The following CDKAL1 variants were observed in gnomAD, a reference collection of about 807,000 sequenced individuals.
CDKAL1 encodes threonylcarbamoyladenosine tRNA methylthiotransferase.
CDKAL1 carries 32 observed loss-of-function variants against 68.2 expected under a neutral mutation model. The observed-to-expected ratio is 0.47, with a 90% CI of 0.35 to 0.63. The LOEUF is 0.63. Ranked by LOEUF, CDKAL1 falls within the 30% of genes least tolerant of loss-of-function variation. The probability of loss-of-function intolerance (pLI) is 0.00; values close to 1 mark genes in which losing one functional copy is unlikely to be tolerated. For synonymous variants in CDKAL1, 234 were observed against 244.3 expected (o/e 0.96, Z 0.39); for missense variants, 606 against 696.7 (o/e 0.87, Z 1.47).
At chr6:21,100,265 G>A (rs1773518842) in intron 12 of CDKAL1, among the ~76,000 whole-genome samples, 2 of 152,004 alleles carry the variant, frequency 1.3e-5, no homozygotes, top group African/African-American at 4.8e-5. Context: ...CATTTGCTTG[G>A]TTATTTTATT....
At chr6:20,642,608 A>C (rs1382788972) in intron 4 of CDKAL1, among the ~76,000 whole-genome samples, 1 of 152,120 alleles carries the variant, frequency 6.6e-6, no homozygotes, top group Non-Finnish European at 1.5e-5. Context: ...CAAAGTTTTC[A>C]TAGCAGACTC....
chr6:21,140,787 G>A (rs1426602064), intron 13 of CDKAL1, among the ~76,000 whole-genome samples: 1 of 152,190 alleles, frequency 6.6e-6, no homozygotes, highest in Non-Finnish European at 1.5e-5. Context: ...GTATTAGTCC[G>A]TTTTCAGGCT....
chr6:21,023,378 A>T (rs1445336079), intron 11 of CDKAL1, among the ~76,000 whole-genome samples: 1 of 152,074 alleles, frequency 6.6e-6, no homozygotes, highest in Admixed American at 6.6e-5. Flanking sequence ...GGTGACTATA[A>T]CCTTACACTT....
intron 10 of CDKAL1, chr6:20,993,539 T>A (rs1766950129): frequency 6.6e-6 from 1 of 152,210 alleles, no homozygotes; most frequent in Non-Finnish European, 1.5e-5. Flanking sequence ...GTCATTCCAA[T>A]TTTAGTATAT....
At chr6:20,795,324 C>T (rs774844567) in intron 8 of CDKAL1, among the ~76,000 whole-genome samples, 2 of 152,082 alleles carry the variant, frequency 1.3e-5, no homozygotes, top group Non-Finnish European at 2.9e-5. Flanking sequence ...TCTATTCCAG[C>T]CTTTCTCAGT....
At chr6:21,227,261 A>G (rs1190929638) in intron 15 of CDKAL1, among the ~76,000 whole-genome samples, 3 of 152,130 alleles carry the variant, frequency 2.0e-5, no homozygotes, top group African/African-American at 7.2e-5. Context: ...CCCTGCTTTC[A>G]ACTGGTATGG....
At chr6:20,943,519 G>A (rs1018388707) in intron 9 of CDKAL1, among the ~76,000 whole-genome samples, 3 of 151,944 alleles carry the variant, frequency 2.0e-5, no homozygotes, top group Non-Finnish European at 4.4e-5. Flanking sequence ...AGTGTGCTTG[G>A]TGTGGTTCTG....
chr6:20,551,493 G>C (rs375457513), intron 4 of CDKAL1, among the ~76,000 whole-genome samples: 50 of 150,890 alleles, frequency 3.3e-4, no homozygotes, highest in African/African-American at 1.0e-3. Context: ...TCAGCCTCTC[G>C]AGTAGCTGGG....
At chr6:20,591,127 A>T (rs139835049) in intron 4 of CDKAL1, among the ~76,000 whole-genome samples, 3 of 152,122 alleles carry the variant, frequency 2.0e-5, no homozygotes, top group African/African-American at 4.8e-5. Flanking sequence ...GCTTTTTTTC[A>T]TATGTTTGTT....
chr6:20,896,998 A>G (rs139763439), intron 9 of CDKAL1, among the ~76,000 whole-genome samples: 129 of 152,360 alleles, frequency 8.5e-4, no homozygotes, highest in Middle Eastern at 3.4e-3. Flanking sequence ...TCGAATGAGT[A>G]TAAACAGCAT....
At position 20,631,718 on chromosome 6, in the gene CDKAL1, A is replaced by G. The variant is rs373236054; in HGVS notation, c.287-17575A>G. Among the ~76,000 whole-genome samples, 23 of 152,260 alleles carry G rather than the reference A, an allele frequency of 1.5e-4. No individual in the cohort carries two copies. The East Asian group carries it at 2.5e-3, about 17-fold the overall frequency. On this transcript the variant is annotated intron_variant, in intron 4 of 15. Transcript: ENST00000274695. ...TGAAAAAGACCATGGGGCCTAAGTC[A>G]CTTCTCTGAGTCAGCCCTTCCGGAT...
At chr6:20,957,055 G>A (rs1014807790) in intron 10 of CDKAL1, among the ~76,000 whole-genome samples, 2 of 148,844 alleles carry the variant, frequency 1.3e-5, no homozygotes, top group Non-Finnish European at 1.5e-5. Context: ...AGCTGTGACA[G>A]TCTTGCTGTG....
intron 6 of CDKAL1, among the ~76,000 whole-genome samples, chr6:20,752,087 G>A (rs1773948037): frequency 1.3e-5 from 2 of 148,648 alleles, no homozygotes; most frequent in African/African-American, 5.0e-5. Flanking sequence ...CCCCTCCCCT[G>A]ACTCTTCTCT....
At chr6:20,780,119 A>AAAAAAAAAAG (rs1561771085) in intron 7 of CDKAL1, among the ~76,000 whole-genome samples, 4 of 147,474 alleles carry the variant, frequency 2.7e-5, no homozygotes, top group Non-Finnish European at 6.0e-5. Flanking sequence ...AAAAAAAAAA[A>AAAAAAAAAAG]AGACAAAATG....
intron 11 of CDKAL1, among the ~76,000 whole-genome samples, chr6:21,010,301 G>A (rs897984492): frequency 6.6e-6 from 1 of 152,196 alleles, no homozygotes; most frequent in African/African-American, 2.4e-5. Flanking sequence ...AAATGCTAAT[G>A]CCAGTGGTTG....
intron 5 of CDKAL1, among the ~76,000 whole-genome samples, chr6:20,730,102 T>C (rs955820729): frequency 1.3e-5 from 2 of 151,992 alleles, no homozygotes; most frequent in Admixed American, 1.3e-4. Flanking sequence ...GACAGATCAC[T>C]TGAGCTCAGG....
At chr6:20,568,953 T>C (rs928753574) in intron 4 of CDKAL1, among the ~76,000 whole-genome samples, 2 of 152,192 alleles carry the variant, frequency 1.3e-5, no homozygotes, top group Admixed American at 1.3e-4. Flanking sequence ...ATTAGACTGA[T>C]CTTGAGTACA....
At chr6:20,744,964 T>C (rs1020891838) in intron 6 of CDKAL1, among the ~76,000 whole-genome samples, 5 of 152,230 alleles carry the variant, frequency 3.3e-5, no homozygotes, top group African/African-American at 1.2e-4. Context: ...CGTTGTAAAA[T>C]GTTAAGACAT....
intron 12 of CDKAL1, among the ~76,000 whole-genome samples, chr6:21,068,079 C>A (rs1582132936): frequency 6.6e-6 from 1 of 152,074 alleles, no homozygotes; most frequent in South Asian, 2.1e-4. Context: ...CGCCCTTACC[C>A]CCAATTTATA....
Sources: gnomAD v4.1 joint callset for allele counts (sites outside exome capture counted in the v4.1 genomes callset) on GRCh38, gnomAD v4.1.1 for gene constraint, MANE v1.5 for transcripts, NCBI Gene and HGNC (gene_info 2026-07-23, HGNC 2026-07-21) for gene names.